Variants in FGF1 observed in about 807,000 individuals in gnomAD.
The protein encoded by FGF1 is beta-endothelial cell growth factor.
A neutral mutation model predicts 13.4 loss-of-function variants in FGF1; 9 were observed. The observed-to-expected ratio is 0.67, with a 90% confidence interval of 0.40 to 1.17. The LOEUF (loss-of-function observed/expected upper bound fraction) is 1.17. Ranked by LOEUF, FGF1 falls within the 50% of genes most tolerant of loss-of-function variation. The pLI is 0.01. For missense variants in FGF1, 156 were observed against 192.7 expected, an observed-to-expected ratio of 0.81 and a Z score of 1.13; for synonymous variants, 93 against 79.0, an observed-to-expected ratio of 1.18 and a Z score of -0.94.
At chr5:142,601,770 T>C (rs1165623353) in intron 2 of FGF1, among the ~76,000 whole-genome samples, 1 of 152,148 alleles carries the variant, frequency 6.6e-6, no homozygotes, top group East Asian at 1.9e-4. Flanking sequence ...GGGAAAGGAC[T>C]ATGAGTTACA....
chr5:142,631,878 G>T (rs112709124), intron 1 of FGF1, among the ~76,000 whole-genome samples: 1 of 150,110 alleles, frequency 6.7e-6, no homozygotes, highest in African/African-American at 2.5e-5. Flanking sequence ...CCGCCTCCTG[G>T]GTTCAAGCGA....
intron 1 of FGF1, among the ~76,000 whole-genome samples, chr5:142,616,122 G>GA (rs1308381343): frequency 1.3e-5 from 2 of 152,248 alleles, no homozygotes; most frequent in Non-Finnish European, 2.9e-5. Flanking sequence ...TGTAGCAGCT[G>GA]TGCGGAGCTG....
chr5:142,622,033 T>A, intron 1 of FGF1, among the ~76,000 whole-genome samples: 1 of 152,262 alleles, frequency 6.6e-6, no homozygotes, highest in East Asian at 1.9e-4. Context: ...AATTACACAT[T>A]CACTCTTGTG....
chr5:142,634,213 A>C (rs1021451985), intron 1 of FGF1, among the ~76,000 whole-genome samples: 5 of 148,446 alleles, frequency 3.4e-5, no homozygotes, highest in Non-Finnish European at 7.4e-5. Flanking sequence ...AAAAAAAAAA[A>C]CTCCCTCTAG....
chr5:142,610,150 T>C (rs1758747802), intron 2 of FGF1, among the ~76,000 whole-genome samples: 1 of 152,194 alleles, frequency 6.6e-6, no homozygotes, highest in South Asian at 2.1e-4. Context: ...AGGTTGTGGT[T>C]AGGTAGAAGT....
chr5:142,612,421 A>G (rs1401883109), intron 2 of FGF1, among the ~76,000 whole-genome samples: 1 of 152,190 alleles, frequency 6.6e-6, no homozygotes. Flanking sequence ...TGAGGACCGG[A>G]GAGCATTCCC....
At chr5:142,620,045 A>T (rs1761211071) in intron 1 of FGF1, among the ~76,000 whole-genome samples, 1 of 152,068 alleles carries the variant, frequency 6.6e-6, no homozygotes, top group Non-Finnish European at 1.5e-5. Flanking sequence ...ATTACAAGAG[A>T]CACATTTAAA....
intron 1 of FGF1, among the ~76,000 whole-genome samples, chr5:142,636,079 A>T (rs2151939704): frequency 6.6e-6 from 1 of 151,230 alleles, no homozygotes; most frequent in East Asian, 1.9e-4. Flanking sequence ...ATAAGTGAAG[A>T]CTCCCCCTCC....
intron 1 of FGF1, among the ~76,000 whole-genome samples, chr5:142,646,635 G>A (rs1038205224): frequency 2.0e-5 from 3 of 152,156 alleles, no homozygotes; most frequent in African/African-American, 7.2e-5. Context: ...ACAGGCGTGA[G>A]CCACTGCGCC....
At chr5:142,692,177 C>T (rs548809287) in intron 2 of FGF1, among the ~76,000 whole-genome samples, 1 of 151,962 alleles carries the variant, frequency 6.6e-6, no homozygotes, top group African/African-American at 2.4e-5. Flanking sequence ...CCAAAAAAAA[C>T]CCCACAAAAA....
intron 1 of FGF1, among the ~76,000 whole-genome samples, chr5:142,673,946 T>C (rs1274705560): frequency 6.6e-6 from 1 of 152,158 alleles, no homozygotes; most frequent in Admixed American, 6.5e-5. Context: ...ACCAGCCTCA[T>C]TTTGACTACT....
At chr5:142,609,509 G>A (rs1758602296) in intron 2 of FGF1, among the ~76,000 whole-genome samples, 1 of 152,088 alleles carries the variant, frequency 6.6e-6, no homozygotes, top group South Asian at 2.1e-4. Context: ...TGCCCTGCCA[G>A]AGGAGTGAGA....
intron 1 of FGF1, among the ~76,000 whole-genome samples, chr5:142,630,174 G>A (rs1003246854): frequency 2.6e-5 from 4 of 152,090 alleles, no homozygotes; most frequent in Admixed American, 2.0e-4. Flanking sequence ...TTACAGGCGT[G>A]AGCCACCATG....
chr5:142,607,345 C>G (rs2151847772), intron 2 of FGF1, among the ~76,000 whole-genome samples: 1 of 152,272 alleles, frequency 6.6e-6, no homozygotes, highest in Middle Eastern at 3.4e-3. Flanking sequence ...CTTCTTTATC[C>G]CATACGGGGA....
At chr5:142,634,227 A>C (rs1763892999) in intron 1 of FGF1, among the ~76,000 whole-genome samples, 1 of 151,810 alleles carries the variant, frequency 6.6e-6, no homozygotes, top group Non-Finnish European at 1.5e-5. Context: ...CCTCTAGTGA[A>C]ATCACCTCTC....
intron 1 of FGF1, among the ~76,000 whole-genome samples, chr5:142,657,610 G>A (rs958954523): frequency 6.6e-6 from 1 of 152,196 alleles, no homozygotes; most frequent in Non-Finnish European, 1.5e-5. Context: ...TGCTATCTGG[G>A]TTCCCTTTAA....
chr5:142,611,818 T>C (rs1294014153), intron 2 of FGF1, among the ~76,000 whole-genome samples: 2 of 152,186 alleles, frequency 1.3e-5, no homozygotes, highest in African/African-American at 4.8e-5. Context: ...CTTTCCTGGG[T>C]GGCAGTACTG....
chr5:142,626,447 A>G (rs1198545004), intron 1 of FGF1, among the ~76,000 whole-genome samples: 1 of 152,180 alleles, frequency 6.6e-6, no homozygotes, highest in African/African-American at 2.4e-5. Context: ...TGGAGCTGAG[A>G]TCTGAAGGTA....
chr5:142,614,151 C>T lies in FGF1; in HGVS notation c.-24G>A, dbSNP rs1436763189. 1.5e-5 allele frequency: 25 copies of T among 1,613,198 alleles called. No homozygotes were observed. The highest frequency in any genetic ancestry group is 5.3e-5 in the African/African-American group (4 of 74,870). On this transcript the variant is annotated 5_prime_UTR_variant, in exon 2 of 4. Transcript: ENST00000337706. ...ATGGCTCAGCAGCTGCTGCTTGTGG[C>T]GCTTTCAAGACTGTAAGAAATTGAA...
Sources: gnomAD v4.1 joint callset for allele counts (sites outside exome capture counted in the v4.1 genomes callset) on GRCh38, gnomAD v4.1.1 for gene constraint, MANE v1.5 for transcripts, NCBI Gene and HGNC (gene_info 2026-07-23, HGNC 2026-07-21) for gene names.